FGF12: variants seen among roughly 807,000 people sequenced by gnomAD.
The protein encoded by FGF12 is fibroblast growth factor 12B.
A neutral mutation model predicts 23.6 loss-of-function variants in FGF12; 14 were observed. The observed-to-expected ratio is 0.59, with a 90% CI of 0.39 to 0.93. The LOEUF (loss-of-function observed/expected upper bound fraction) is 0.93. Among genes scored for constraint, FGF12 ranks in the 40% least tolerant of loss-of-function variants. The pLI is 0.00. For missense variants in FGF12, 175 were observed against 217.8 expected, an observed-to-expected ratio of 0.80 and a Z score of 1.24; for synonymous variants, 62 against 77.3, an observed-to-expected ratio of 0.80 and a Z score of 1.04.
chr3:192,567,269 G>T (rs1253809907), intron 2 of FGF12, among the ~76,000 whole-genome samples: 1 of 151,918 alleles, frequency 6.6e-6, no homozygotes, highest in East Asian at 1.9e-4. Context: ...CTTTAGTGGG[G>T]AAAAAAATCT....
chr3:192,540,667 C>A (rs1725342962), intron 2 of FGF12, among the ~76,000 whole-genome samples: 1 of 152,066 alleles, frequency 6.6e-6, no homozygotes, highest in South Asian at 2.1e-4. Context: ...GTGTATTGTG[C>A]AGATTAAGCC....
chr3:192,608,810 G>C (rs1287289666), intron 2 of FGF12, among the ~76,000 whole-genome samples: 1 of 152,120 alleles, frequency 6.6e-6, no homozygotes, highest in Non-Finnish European at 1.5e-5. Context: ...ATGCCAATTT[G>C]ATAAGCAGTA....
At chr3:192,307,457 T>C (rs1191774673) in intron 4 of FGF12, among the ~76,000 whole-genome samples, 5 of 152,212 alleles carry the variant, frequency 3.3e-5, no homozygotes, top group African/African-American at 9.7e-5. Flanking sequence ...CTAGCCGACC[T>C]CTATGATCAC....
chr3:192,386,752 T>C (rs1336615663), intron 2 of FGF12, among the ~76,000 whole-genome samples: 1 of 152,022 alleles, frequency 6.6e-6, no homozygotes, highest in Non-Finnish European at 1.5e-5. Flanking sequence ...GGTGAAGAAA[T>C]CAAACTATTT....
chr3:192,491,696 T>C (rs936938987), intron 2 of FGF12, among the ~76,000 whole-genome samples: 3 of 152,180 alleles, frequency 2.0e-5, no homozygotes, highest in Non-Finnish European at 4.4e-5. Flanking sequence ...GTATATAAAC[T>C]ACAAGCATTG....
chr3:192,277,686 G>A (rs531301991), intron 4 of FGF12, among the ~76,000 whole-genome samples: 4 of 152,288 alleles, frequency 2.6e-5, no homozygotes, highest in East Asian at 1.9e-4. Flanking sequence ...TTCAGAGCAC[G>A]GAAGTCCACC....
intron 2 of FGF12, among the ~76,000 whole-genome samples, chr3:192,376,155 A>G (rs1719484698): frequency 6.6e-6 from 1 of 151,872 alleles, no homozygotes; most frequent in Admixed American, 6.6e-5. Context: ...GCTTCTTTAT[A>G]TATATTTCCT....
intron 2 of FGF12, among the ~76,000 whole-genome samples, chr3:192,589,657 G>A (rs1713542018): frequency 6.6e-6 from 1 of 151,732 alleles, no homozygotes; most frequent in Admixed American, 6.6e-5. Context: ...GATGGAGGGA[G>A]GAAATGGACA....
chr3:192,318,101 T>C (rs1484022115), intron 4 of FGF12, among the ~76,000 whole-genome samples: 1 of 152,128 alleles, frequency 6.6e-6, no homozygotes, highest in Non-Finnish European at 1.5e-5. Flanking sequence ...CAAGTCCTTT[T>C]GAATGCTTGC....
chr3:192,587,887 T>G (rs1365180231), intron 2 of FGF12, among the ~76,000 whole-genome samples: 1 of 151,862 alleles, frequency 6.6e-6, no homozygotes, highest in Non-Finnish European at 1.5e-5. Flanking sequence ...ATTCTAAAAC[T>G]TTGGGCACCA....
intron 3 of FGF12, among the ~76,000 whole-genome samples, chr3:192,351,605 C>CCA (rs1248556672): frequency 1.3e-5 from 2 of 152,136 alleles, no homozygotes; most frequent in African/African-American, 4.8e-5. Context: ...TTCCCCCTTC[C>CCA]CAAGCATGCC....
At chr3:192,494,862 A>C (rs1723902783) in intron 2 of FGF12, among the ~76,000 whole-genome samples, 1 of 145,038 alleles carries the variant, frequency 6.9e-6, no homozygotes, top group African/African-American at 2.6e-5. Context: ...ATATATATAA[A>C]ATACATTTTT....
Position 192,210,223 on chromosome 3 carries a change from C to G in FGF12, c.229-39567G>C, listed in dbSNP as rs151197756. ...CAAACAGCCAAGGAGATTCACTGAG[C>G]TGAGGAAACAGAAACTGGATTTCAG... On this transcript the variant is annotated intron_variant, in intron 4 of 5. Coordinates refer to ENST00000445105, the MANE Select transcript of FGF12 (RefSeq NM_004113.6). 2.9e-3 allele frequency among the ~76,000 whole-genome samples: 445 copies of G among 152,282 alleles called. 3 individuals are homozygous for G. The highest frequency in any genetic ancestry group is 8.0e-3 in the African/African-American group (331 of 41,570).
intron 2 of FGF12, among the ~76,000 whole-genome samples, chr3:192,659,782 A>G (rs563058884): frequency 2.2e-4 from 33 of 152,142 alleles, no homozygotes; most frequent in African/African-American, 7.0e-4. Context: ...AAGTGTTCCT[A>G]TTTCTCCACA....
intron 4 of FGF12, among the ~76,000 whole-genome samples, chr3:192,198,050 T>G (rs1425321700): frequency 6.6e-6 from 1 of 151,714 alleles, no homozygotes; most frequent in East Asian, 1.9e-4. Flanking sequence ...ATCAGCAAAT[T>G]TGCTGTCAAC....
chr3:192,391,933 T>C (rs528452991), intron 2 of FGF12, among the ~76,000 whole-genome samples: 11 of 152,294 alleles, frequency 7.2e-5, no homozygotes, highest in African/African-American at 2.2e-4. Flanking sequence ...GGAGAGAGGC[T>C]GTATTGCATA....
chr3:192,721,177 T>C (rs1719028444), intron 2 of FGF12, among the ~76,000 whole-genome samples: 1 of 152,162 alleles, frequency 6.6e-6, no homozygotes, highest in Non-Finnish European at 1.5e-5. Context: ...AGAGGACCAA[T>C]TTCTACCATC....
chr3:192,458,269 G>A (rs1180676967), intron 2 of FGF12, among the ~76,000 whole-genome samples: 1 of 152,156 alleles, frequency 6.6e-6, no homozygotes, highest in Non-Finnish European at 1.5e-5. Flanking sequence ...TGTGAGAAGA[G>A]GGCCACCCTA....
At chr3:192,556,748 A>G (rs185723979) in intron 2 of FGF12, among the ~76,000 whole-genome samples, 7 of 152,314 alleles carry the variant, frequency 4.6e-5, no homozygotes, top group Non-Finnish European at 7.4e-5. Context: ...TCTCCAGGAT[A>G]GATCACGTGT....
Sources: allele counts gnomAD v4.1 joint callset (sites outside exome capture counted in the v4.1 genomes callset), GRCh38; gene constraint gnomAD v4.1.1; transcripts MANE v1.5; gene names NCBI Gene and HGNC (gene_info 2026-07-23, HGNC 2026-07-21).